The following CAST variants were observed in gnomAD, a reference collection of about 807,000 sequenced individuals.
The protein encoded by CAST is calpastatin.
CAST carries 76 observed loss-of-function variants against 119.6 expected under a neutral mutation model. The ratio of observed to expected loss-of-function variants is 0.64; its 90% CI spans 0.53 to 0.77. CAST has a LOEUF of 0.77. CAST is among the 30% of genes least tolerant of loss of function. The pLI, the probability that CAST is intolerant of heterozygous loss-of-function variation, is 0.00. For missense variants in CAST, 953 were observed against 946.5 expected, an observed-to-expected ratio of 1.01 and a Z score of -0.09; for synonymous variants, 319 against 331.6, an observed-to-expected ratio of 0.96 and a Z score of 0.41.
At chr5:96,613,992 C>G (rs909934830) in intron 1 of CAST, among the ~76,000 whole-genome samples, 1 of 152,066 alleles carries the variant, frequency 6.6e-6, no homozygotes, top group Non-Finnish European at 1.5e-5. Context: ...ATCCTCACAG[C>G]CCTATGAGTT....
At chr5:96,188,092 A>G in the CAST span, among the ~76,000 whole-genome samples, 1 of 152,200 alleles carries the variant, frequency 6.6e-6, no homozygotes, top group Non-Finnish European at 1.5e-5. Context: ...ATTTCATTTC[A>G]TCATTCATTA....
At chr5:96,617,483 A>G (rs1443084153) in intron 1 of CAST, among the ~76,000 whole-genome samples, 1 of 152,134 alleles carries the variant, frequency 6.6e-6, no homozygotes, top group Non-Finnish European at 1.5e-5. Flanking sequence ...AGGCATCAAT[A>G]ATATTGCTTT....
At chr5:96,219,696 G>A in the CAST span, among the ~76,000 whole-genome samples, 7 of 151,096 alleles carry the variant, frequency 4.6e-5, no homozygotes, top group Non-Finnish European at 8.8e-5. Context: ...AGGAAGGGAA[G>A]GAAGGAAAGG....
the CAST span, among the ~76,000 whole-genome samples, chr5:96,403,261 TTTC>T: frequency 1.3e-5 from 2 of 152,194 alleles, no homozygotes; most frequent in African/African-American, 4.8e-5. Context: ...AAAACCTATT[TTTC>T]TTTTTTTATT....
At chr5:96,484,905 A>G in the CAST span, among the ~76,000 whole-genome samples, 1 of 152,158 alleles carries the variant, frequency 6.6e-6, no homozygotes, top group Non-Finnish European at 1.5e-5. Context: ...AACAACAACC[A>G]AGTAAGTGTA....
the CAST span, among the ~76,000 whole-genome samples, chr5:96,032,627 A>G: frequency 6.6e-6 from 1 of 152,146 alleles, no homozygotes; most frequent in African/African-American, 2.4e-5. Context: ...ACATTGTGCC[A>G]CGAAATACCA....
At chr5:96,663,221 G>T in intron 1 of CAST, 1 of 702,714 alleles carries the variant, frequency 1.4e-6, no homozygotes, top group South Asian at 1.5e-5. Context: ...TGTTGGAAGG[G>T]AGTGTGTTTG....
chr5:96,751,905 C>T (rs1231164690), intron 20 of CAST, among the ~76,000 whole-genome samples: 4 of 152,228 alleles, frequency 2.6e-5, no homozygotes, highest in African/African-American at 7.2e-5. Flanking sequence ...TCCCTTTCCC[C>T]GTCCTCCTTT....
At chr5:96,468,019 G>C in the CAST span, among the ~76,000 whole-genome samples, 11 of 151,752 alleles carry the variant, frequency 7.2e-5, no homozygotes, top group African/African-American at 2.7e-4. Context: ...ATAGAGAAAA[G>C]TTGGTATATA....
chr5:96,436,858 A>C, the CAST span, among the ~76,000 whole-genome samples: 1 of 152,210 alleles, frequency 6.6e-6, no homozygotes, highest in East Asian at 1.9e-4. Flanking sequence ...CTTTCTCATG[A>C]TATCTCCTCC....
At chr5:96,742,633 C>A in intron 15 of CAST, 22 bp from the exon 16 acceptor site, 1 of 1,506,984 alleles carries the variant, frequency 6.6e-7, no homozygotes, top group Non-Finnish European at 9.2e-7. Context: ...TTTTCATGCA[C>A]AGGATTTTTT....
chr5:96,475,189 T>A, the CAST span, among the ~76,000 whole-genome samples: 1 of 152,122 alleles, frequency 6.6e-6, no homozygotes, highest in African/African-American at 2.4e-5. Flanking sequence ...GAGAGGCCCC[T>A]CATCCCAGTC....
chr5:96,108,466 T>G, the CAST span, among the ~76,000 whole-genome samples: 1 of 152,084 alleles, frequency 6.6e-6, no homozygotes, highest in Admixed American at 6.5e-5. Flanking sequence ...GCTGCAAGTC[T>G]GTTGGAGTAC....
At chr5:95,981,410 C>A in the CAST span, among the ~76,000 whole-genome samples, 2 of 152,130 alleles carry the variant, frequency 1.3e-5, no homozygotes, top group African/African-American at 2.4e-5. Flanking sequence ...TTGAATATCA[C>A]TTTTATTTCT....
At chr5:96,363,344 T>G in the CAST span, among the ~76,000 whole-genome samples, 3 of 149,748 alleles carry the variant, frequency 2.0e-5, no homozygotes, top group Admixed American at 6.6e-5. Context: ...ATATGAACTT[T>G]AAAGTAGTTT....
At chr5:96,060,238 G>A in the CAST span, among the ~76,000 whole-genome samples, 7 of 152,068 alleles carry the variant, frequency 4.6e-5, no homozygotes, top group African/African-American at 1.4e-4. Flanking sequence ...TATATAGTCC[G>A]AAGGGACACA....
chr5:96,305,079 T>A, the CAST span, among the ~76,000 whole-genome samples: 1 of 152,222 alleles, frequency 6.6e-6, no homozygotes, highest in Non-Finnish European at 1.5e-5. Flanking sequence ...TTCCTATCCA[T>A]GAGCATGGAA....
At chr5:96,735,608 A>G (rs1761468017) in intron 9 of CAST, among the ~76,000 whole-genome samples, 1 of 152,226 alleles carries the variant, frequency 6.6e-6, no homozygotes, top group African/African-American at 2.4e-5. Flanking sequence ...GGGGAGGGAG[A>G]GATGCTCCAA....
chr5:96,020,632 G>A, the CAST span, among the ~76,000 whole-genome samples: 3 of 152,180 alleles, frequency 2.0e-5, no homozygotes, highest in African/African-American at 7.2e-5. Context: ...TCTAATGCTT[G>A]ATGATCTGTC....
Sources: gnomAD v4.1 joint callset for allele counts (sites outside exome capture counted in the v4.1 genomes callset) on GRCh38, gnomAD v4.1.1 for gene constraint, MANE v1.5 for transcripts, NCBI Gene and HGNC (gene_info 2026-07-23, HGNC 2026-07-21) for gene names.